The following CDYL2 variants were observed in gnomAD, a reference collection of about 807,000 sequenced individuals.
The protein encoded by CDYL2 is chromodomain Y like 2.
A neutral mutation model predicts 49.4 loss-of-function variants in CDYL2; 23 were observed. The observed-to-expected ratio is 0.47, with a 90% CI of 0.34 to 0.66. CDYL2 has a LOEUF of 0.66. CDYL2 is among the 30% of genes least tolerant of loss of function. The pLI is 0.01. For missense variants in CDYL2, 678 were observed against 656.4 expected (o/e 1.03, Z -0.36); for synonymous variants, 360 against 268.8 (o/e 1.34, Z -3.32).
chr16:80,756,675 GA>G (rs1906321061), intron 1 of CDYL2, among the ~76,000 whole-genome samples: 1 of 152,000 alleles, frequency 6.6e-6, no homozygotes, highest in Non-Finnish European at 1.5e-5. Context: ...GACCTTGACA[GA>G]AAAATCTAAT....
At chr16:80,730,202 T>C (rs1905280199) in intron 1 of CDYL2, among the ~76,000 whole-genome samples, 1 of 151,790 alleles carries the variant, frequency 6.6e-6, no homozygotes, top group African/African-American at 2.4e-5. Flanking sequence ...GATAGACCGC[T>C]AGCAAGACTA....
At chr16:80,727,386 C>T (rs866382565) in intron 1 of CDYL2, among the ~76,000 whole-genome samples, 14 of 152,306 alleles carry the variant, frequency 9.2e-5, no homozygotes, top group Middle Eastern at 3.4e-3. Context: ...TGCGCTTTTC[C>T]GAGGGGCTTA....
intron 1 of CDYL2, among the ~76,000 whole-genome samples, chr16:80,738,994 G>A (rs1157806615): frequency 2.0e-5 from 3 of 152,110 alleles, no homozygotes; most frequent in African/African-American, 7.2e-5. Flanking sequence ...TGAAAAAGGT[G>A]GAAGCAACCC....
intron 1 of CDYL2, among the ~76,000 whole-genome samples, chr16:80,712,062 T>A (rs941975071): frequency 6.6e-6 from 1 of 150,538 alleles, no homozygotes; most frequent in Non-Finnish European, 1.5e-5. Flanking sequence ...GATGTGTGTG[T>A]ATAGATGTGT....
chr16:80,684,073 C>A (rs752034539), intron 2 of CDYL2, among the ~76,000 whole-genome samples: 2 of 152,182 alleles, frequency 1.3e-5, no homozygotes, highest in African/African-American at 4.8e-5. Context: ...TCTGAGAAGA[C>A]GGCACGGACC....
chr16:80,762,633 A>G (rs1302455763), intron 1 of CDYL2, among the ~76,000 whole-genome samples: 1 of 152,166 alleles, frequency 6.6e-6, no homozygotes, highest in Non-Finnish European at 1.5e-5. Flanking sequence ...TAATTCACCT[A>G]CTGTCTATAA....
chr16:80,677,429 C>T (rs2142462322), intron 2 of CDYL2, among the ~76,000 whole-genome samples: 1 of 152,228 alleles, frequency 6.6e-6, no homozygotes, highest in South Asian at 2.1e-4. Flanking sequence ...AAGCACCATA[C>T]CCATCTATCA....
chr16:80,689,245 T>C (rs1376490096), intron 1 of CDYL2, among the ~76,000 whole-genome samples: 2 of 152,206 alleles, frequency 1.3e-5, no homozygotes, highest in Admixed American at 6.5e-5. Context: ...CTCTGCTCTA[T>C]TGCAGGTGGC....
chr16:80,699,448 T>C (rs1170258374), intron 1 of CDYL2, among the ~76,000 whole-genome samples: 46 of 152,194 alleles, frequency 3.0e-4, no homozygotes, highest in Non-Finnish European at 2.9e-5. Flanking sequence ...CACTCATACG[T>C]GGAAGCTAAA....
In CDYL2 at chr16:80,686,014, T is replaced by C. The variant is rs77117547; in HGVS notation, c.25-885A>G. On this transcript the variant is annotated intron_variant, in intron 1 of 6. Coordinates refer to ENST00000570137, the MANE Select transcript of CDYL2 (RefSeq NM_152342.4). ...CTGAGTACCTACTATGCACCTCACA[T>C]GTCCCTGTGGGTGTACACCACTATT... 8.7e-3 allele frequency among the ~76,000 whole-genome samples: 1,328 copies of C among 152,342 alleles called. 22 individuals are homozygous for C. The highest frequency in any genetic ancestry group is 0.03 in the African/African-American group (1,266 of 41,576).
intron 1 of CDYL2, 36 bp from the exon 2 acceptor site, chr16:80,685,165 G>A (rs534231001): frequency 1.2e-5 from 19 of 1,535,110 alleles, no homozygotes; most frequent in Non-Finnish European, 1.7e-5. Context: ...AAAACAGAGA[G>A]AGAGGGAGGA....
chr16:80,606,088 G>A (rs1021474059), intron 6 of CDYL2, among the ~76,000 whole-genome samples: 6 of 152,200 alleles, frequency 3.9e-5, no homozygotes, highest in African/African-American at 1.4e-4. Context: ...CAAACAGAAA[G>A]AAGCAAGATG....
intron 1 of CDYL2, among the ~76,000 whole-genome samples, chr16:80,746,513 G>T (rs756671752): frequency 2.0e-5 from 3 of 152,148 alleles, no homozygotes; most frequent in Non-Finnish European, 2.9e-5. Flanking sequence ...GGAATCTTCT[G>T]ACTGTTCTAA....
At chr16:80,686,840 AATTT>A (rs1910214559) in intron 1 of CDYL2, among the ~76,000 whole-genome samples, 1 of 152,196 alleles carries the variant, frequency 6.6e-6, no homozygotes, top group South Asian at 2.1e-4. Flanking sequence ...TTCCTTAATT[AATTT>A]ATCTCCATCC....
chr16:80,651,554 G>C (rs997456537), intron 2 of CDYL2, among the ~76,000 whole-genome samples: 1 of 152,118 alleles, frequency 6.6e-6, no homozygotes, highest in African/African-American at 2.4e-5. Context: ...AAATACCAAA[G>C]AAATTTACAG....
rs1910112772 is a variant in CDYL2 at position 80,684,749 on chromosome 16, C to T, written c.405G>A (p.Val135=). ...SSGGDRATKT[V]SYRTTPSGLQ... ...AACCACTGGGGGTAGTCCTGTAAGA[C>T]ACCGTCTTGGTGGCCCTGTCACCTC... Residue 135 remains valine, a synonymous_variant, in exon 2 of 7, where the codon GTG becomes GTA. Transcript: ENST00000570137. The T allele has an allele frequency of 1.2e-6, 2 of 1,614,080 alleles. No homozygotes were observed. Among genetic ancestry groups the T allele is most frequent in the African/African-American group, 2.7e-5 (2 of 74,920 alleles).
chr16:80,636,892 T>G (rs151236221), intron 2 of CDYL2, among the ~76,000 whole-genome samples: 1 of 152,208 alleles, frequency 6.6e-6, no homozygotes, highest in African/African-American at 2.4e-5. Context: ...GATGAGTTCA[T>G]GTCCTTTGCA....
At chr16:80,701,359 A>T (rs746998941) in intron 1 of CDYL2, among the ~76,000 whole-genome samples, 88 of 152,236 alleles carry the variant, frequency 5.8e-4, no homozygotes, top group Non-Finnish European at 1.1e-3. Flanking sequence ...GCAGGGGAAG[A>T]GGCCACAAAG....
intron 1 of CDYL2, among the ~76,000 whole-genome samples, chr16:80,799,469 T>C (rs1305270897): frequency 2.0e-5 from 3 of 152,188 alleles, no homozygotes; most frequent in Non-Finnish European, 4.4e-5. Context: ...GGTCTATAAA[T>C]ATGAAATAAC....
Sources: gnomAD v4.1 joint callset for allele counts (sites outside exome capture counted in the v4.1 genomes callset) on GRCh38, gnomAD v4.1.1 for gene constraint, MANE v1.5 for transcripts, NCBI Gene and HGNC (gene_info 2026-07-23, HGNC 2026-07-21) for gene names.